SHLD1: variants seen among roughly 807,000 people sequenced by gnomAD.
SHLD1 encodes the protein RINN1-REV7-interacting novel NHEJ regulator 3.
SHLD1 carries 3 observed loss-of-function variants against 5.5 expected under a neutral mutation model. That is an observed-to-expected ratio of 0.54 (90% confidence interval 0.25 to 1.40). SHLD1 has a LOEUF of 1.40. SHLD1 is among the 40% of genes most tolerant of loss of function. The pLI, the probability that SHLD1 is intolerant of heterozygous loss-of-function variation, is 0.15. For missense variants in SHLD1, 210 were observed against 244.4 expected (o/e 0.86, Z 0.94); for synonymous variants, 92 against 94.3 (o/e 0.98, Z 0.14).
chr20:5,770,707 G>A (rs1985106882), intron 1 of SHLD1, among the ~76,000 whole-genome samples: 1 of 152,148 alleles, frequency 6.6e-6, no homozygotes, highest in African/African-American at 2.4e-5. Context: ...ATGATTTCCA[G>A]CACTACATTA....
chr20:5,851,388 G>A (rs975572838), intron 2 of SHLD1, among the ~76,000 whole-genome samples: 1 of 152,000 alleles, frequency 6.6e-6, no homozygotes, highest in Non-Finnish European at 1.5e-5. Context: ...CTACTCAGGA[G>A]GCTGAGGTGG....
chr20:5,817,432 C>CTG (rs1190340129), intron 2 of SHLD1, among the ~76,000 whole-genome samples: 2,938 of 85,568 alleles, frequency 0.034, 133 homozygotes, highest in Admixed American at 0.054. Flanking sequence ...CTCTCTCTCT[C>CTG]TGTGTGTGTG....
At chr20:5,822,951 ATTT>A (rs1425313560) in intron 2 of SHLD1, among the ~76,000 whole-genome samples, 3 of 151,096 alleles carry the variant, frequency 2.0e-5, no homozygotes, top group African/African-American at 7.3e-5. Context: ...TACCTTCCCG[ATTT>A]CTCTCCAACC....
intron 1 of SHLD1, among the ~76,000 whole-genome samples, chr20:5,762,838 T>C (rs949443129): frequency 3.3e-5 from 5 of 151,920 alleles, no homozygotes; most frequent in Non-Finnish European, 5.9e-5. Flanking sequence ...CCAGGTGTGG[T>C]AGTGCGCGCC....
chr20:5,811,720 G>T (rs2087460642), intron 2 of SHLD1, among the ~76,000 whole-genome samples: 2 of 152,040 alleles, frequency 1.3e-5, no homozygotes, highest in African/African-American at 4.8e-5. Context: ...GCCAGGTGTG[G>T]TGGTGCACAC....
Position 5,789,094 on chromosome 20 carries a change from C to T in SHLD1, c.178+16051C>T, listed in dbSNP as rs545240221. Among the ~76,000 whole-genome samples, 49 of 151,868 alleles carry T rather than the reference C, an allele frequency of 3.2e-4. 1 individual carries two copies. In the East Asian group the frequency reaches 8.4e-3, roughly 26 times the overall value. ...AGTGAGCTGAGATCGAGCCACTGCA[C>T]TCCAGCCTGGGAGACAGAGAGAGTG... On this transcript the variant is annotated intron_variant, in intron 2 of 2. Transcript: ENST00000303142.
intron 2 of SHLD1, among the ~76,000 whole-genome samples, chr20:5,789,609 G>T: frequency 6.7e-6 from 1 of 149,378 alleles, no homozygotes; most frequent in Admixed American, 6.7e-5. Context: ...TCACAAAATT[G>T]AGAAAAAAAA....
chr20:5,819,079 C>T (rs1568518435), intron 2 of SHLD1, among the ~76,000 whole-genome samples: 1 of 152,124 alleles, frequency 6.6e-6, no homozygotes, highest in Non-Finnish European at 1.5e-5. Context: ...CCAGGCTGGT[C>T]TTGAACCCCT....
intron 1 of SHLD1, among the ~76,000 whole-genome samples, chr20:5,755,248 A>G (rs1043695362): frequency 5.9e-5 from 9 of 152,150 alleles, no homozygotes; most frequent in African/African-American, 1.9e-4. Flanking sequence ...TCCCCGGGCC[A>G]TGGACCAGCA....
At chr20:5,817,394 T>TTCTCTCTCTCTCTCTCTCTCTCTCTC (rs144955343) in intron 2 of SHLD1, among the ~76,000 whole-genome samples, 1 of 75,788 alleles carries the variant, frequency 1.3e-5, no homozygotes, top group Non-Finnish European at 2.7e-5. Context: ...ACGGGATATT[T>TTCTCTCTCTCTCTCTCTCTCTCTCTC]TCTCTCTCTC....
intron 2 of SHLD1, among the ~76,000 whole-genome samples, chr20:5,850,108 G>A (rs1020481244): frequency 5.8e-4 from 44 of 76,372 alleles, no homozygotes; most frequent in East Asian, 3.7e-3. Flanking sequence ...GCAAGACCCC[G>A]TCTCAATAAT....
At chr20:5,755,874 T>C (rs894173151) in intron 1 of SHLD1, among the ~76,000 whole-genome samples, 6 of 152,140 alleles carry the variant, frequency 3.9e-5, no homozygotes, top group African/African-American at 1.4e-4. Flanking sequence ...AACATTTTGA[T>C]AGCATGCAAA....
intron 2 of SHLD1, among the ~76,000 whole-genome samples, chr20:5,837,918 C>T (rs1043786705): frequency 2.0e-5 from 3 of 152,080 alleles, no homozygotes; most frequent in Non-Finnish European, 4.4e-5. Context: ...TATAAGTGGA[C>T]CTGCACAGTT....
intron 2 of SHLD1, among the ~76,000 whole-genome samples, chr20:5,802,349 G>A (rs73894049): frequency 0.05 from 7,635 of 152,190 alleles, 258 homozygotes; most frequent in African/African-American, 0.091. Flanking sequence ...CACTGTTAGG[G>A]GTCAGACTTC....
At chr20:5,809,864 A>C (rs1425305863) in intron 2 of SHLD1, among the ~76,000 whole-genome samples, 1 of 152,070 alleles carries the variant, frequency 6.6e-6, no homozygotes, top group Admixed American at 6.5e-5. Context: ...CGCTGAGGGT[A>C]TGAAACCCTG....
At chr20:5,762,147 G>A (rs1264792507) in intron 1 of SHLD1, among the ~76,000 whole-genome samples, 2 of 151,636 alleles carry the variant, frequency 1.3e-5, no homozygotes, top group Non-Finnish European at 2.9e-5. Flanking sequence ...AGCTACTCGG[G>A]AGGCTGAGGC....
intron 1 of SHLD1, among the ~76,000 whole-genome samples, chr20:5,751,067 T>G (rs919576215): frequency 5.3e-5 from 8 of 152,172 alleles, no homozygotes; most frequent in Non-Finnish European, 1.0e-4. Context: ...CATCTATTAC[T>G]GTGATCTCAT....
intron 2 of SHLD1, chr20:5,773,594 T>A (rs1200051751): frequency 6.1e-6 from 1 of 162,696 alleles, no homozygotes; most frequent in African/African-American, 2.4e-5. Flanking sequence ...CTCTCTTTCA[T>A]ATTAATTACC....
intron 1 of SHLD1, among the ~76,000 whole-genome samples, chr20:5,767,841 A>G (rs1984928849): frequency 1.3e-5 from 2 of 152,188 alleles, no homozygotes; most frequent in Non-Finnish European, 2.9e-5. Context: ...GCTTAATTAA[A>G]GAGTCTTTGT....
Sources: allele counts gnomAD v4.1 joint callset (sites outside exome capture counted in the v4.1 genomes callset), GRCh38; gene constraint gnomAD v4.1.1; transcripts MANE v1.5; gene names NCBI Gene and HGNC (gene_info 2026-07-23, HGNC 2026-07-21).